Variants in TSHR observed in about 807,000 individuals in gnomAD.
TSHR encodes thyroid stimulating hormone receptor, also known as thyrotropin receptor.
In TSHR, 51 loss-of-function variants were observed where a neutral mutation model predicts 64.1. That is an observed-to-expected ratio of 0.80 (90% CI 0.64 to 1.01). The LOEUF (loss-of-function observed/expected upper bound fraction) is 1.01, where lower values mean the gene tolerates loss of function less well. Among genes scored for constraint, TSHR ranks in the 50% least tolerant of loss-of-function variants. TSHR has a pLI of 0.00. For missense variants in TSHR, 877 were observed against 942.8 expected, an observed-to-expected ratio of 0.93 and a Z score of 0.91; for synonymous variants, 361 against 361.9, an observed-to-expected ratio of 1.00 and a Z score of 0.03.
At chr14:81,108,349 C>CTCTG (rs747668953) in intron 7 of TSHR, 26 bp from the exon 8 acceptor site, 2 of 1,563,702 alleles carry the variant, frequency 1.3e-6, no homozygotes, top group Admixed American at 3.3e-5. Context: ...TTCATTCTCT[C>CTCTG]TCTCTCTTTC....
In TSHR at chr14:81,022,082, G is replaced by A. The variant is rs2139802344; in HGVS notation, c.171-40066G>A. Among the ~76,000 whole-genome samples the A allele has an allele frequency of 2.3e-5, 3 of 128,776 alleles. No homozygotes were observed. In the Middle Eastern group the frequency reaches 0.015, roughly 631 times the overall value. 84.5% of individuals were successfully genotyped at this position (128,776 alleles called of 152,430 possible). On this transcript the variant is annotated intron_variant, in intron 1 of 9. Transcript: ENST00000298171. ...TCAAAACCATCCTGGCTAACATGGTGAAACCCCGTCTCTACTAAAAATACA... is the reference window on the plus strand; with the variant it reads ...TCAAAACCATCCTGGCTAACATGGTAAAACCCCGTCTCTACTAAAAATACA...
intron 2 of TSHR, among the ~76,000 whole-genome samples, chr14:81,068,052 A>G (rs1886783503): frequency 6.6e-6 from 1 of 150,548 alleles, no homozygotes; most frequent in East Asian, 1.9e-4. Context: ...ATAGGAGTTA[A>G]TATACAGGAG....
chr14:81,112,919 G>C (rs905460715), intron 8 of TSHR, among the ~76,000 whole-genome samples: 6 of 152,206 alleles, frequency 3.9e-5, no homozygotes, highest in Admixed American at 6.5e-5. Context: ...AGTAAAAGCT[G>C]TGATCAAAAA....
chr14:80,980,989 T>TA (rs1299839910), intron 1 of TSHR, among the ~76,000 whole-genome samples: 1 of 152,226 alleles, frequency 6.6e-6, no homozygotes, highest in African/African-American at 2.4e-5. Flanking sequence ...AATTAGTTTT[T>TA]AAAAAAACTT....
chr14:80,994,539 C>A (rs920235866), intron 1 of TSHR: 26 of 152,098 alleles, frequency 1.7e-4, no homozygotes, highest in African/African-American at 5.3e-4. Context: ...AACACATAGA[C>A]CAATGGAACA....
At chr14:81,124,117 G>A (rs903840966) in intron 8 of TSHR, among the ~76,000 whole-genome samples, 5 of 152,056 alleles carry the variant, frequency 3.3e-5, no homozygotes, top group Admixed American at 3.3e-4. Context: ...TTTCATTACA[G>A]GTATCAGCAT....
rs139450846 is a variant in TSHR, at chr14:81,042,240, A to G, written c.171-19908A>G. Reference sequence around the variant, plus strand: ...TGGAAAACAGTATGAAGTTTCCTCAAAAAATTAAAACTAGAACTATTATGT... The same window carrying G: ...TGGAAAACAGTATGAAGTTTCCTCAGAAAATTAAAACTAGAACTATTATGT... On this transcript the variant is annotated intron_variant, in intron 1 of 9. Coordinates refer to ENST00000298171, the MANE Select transcript of TSHR (RefSeq NM_000369.5). Among the ~76,000 whole-genome samples the G allele has an allele frequency of 6.6e-5, 10 of 152,300 alleles. 1 individual carries two copies. The highest frequency in any genetic ancestry group is 5.8e-4 in the East Asian group (3 of 5,182).
At position 80,978,931 on chromosome 14, in the gene TSHR, TC is replaced by T. The variant is rs1302485853; in HGVS notation, c.170+23082del. The stretch of plus-strand genomic sequence containing the variant: ...CTCCCATTCATACATCTAATGAGAT[TC>T]TAATGAATTTGAATTTCAGATCTGT... On this transcript the variant is annotated intron_variant, in intron 1 of 9. Coordinates refer to ENST00000298171, the MANE Select transcript of TSHR (RefSeq NM_000369.5). Among the ~76,000 whole-genome samples the T allele has an allele frequency of 4.6e-5, 7 of 152,348 alleles. No homozygotes were observed. In the South Asian group the frequency reaches 1.0e-3, roughly 23 times the overall value.
At chr14:81,078,932 A>G (rs950445079) in intron 3 of TSHR, 3 of 152,224 alleles carry the variant, frequency 2.0e-5, no homozygotes, top group Non-Finnish European at 4.4e-5. Flanking sequence ...CTGATCCACA[A>G]AATTGTGAGC....
chr14:81,051,428 T>C (rs988579404), intron 1 of TSHR: 1 of 152,164 alleles, frequency 6.6e-6, no homozygotes, highest in Admixed American at 6.5e-5. Context: ...CAAATGTTCT[T>C]AATGGTATCT....
chr14:80,977,020 A>G (rs1887916603), intron 1 of TSHR, among the ~76,000 whole-genome samples: 1 of 152,250 alleles, frequency 6.6e-6, no homozygotes, highest in African/African-American at 2.4e-5. Context: ...TGCCTTTGGT[A>G]GGCTCTTGCA....
intron 3 of TSHR, among the ~76,000 whole-genome samples, chr14:81,080,143 G>T (rs2139943992): frequency 6.6e-6 from 1 of 152,124 alleles, no homozygotes; most frequent in Middle Eastern, 3.4e-3. Flanking sequence ...TAGTAGAGAA[G>T]GGGTTTCACC....
At chr14:81,013,835 C>T (rs375425061) in intron 1 of TSHR, 25 of 152,150 alleles carry the variant, frequency 1.6e-4, no homozygotes, top group African/African-American at 5.6e-4. Flanking sequence ...CTGGCATCAT[C>T]TATATTTACT....
chr14:81,119,505 C>T (rs377589232), intron 8 of TSHR, among the ~76,000 whole-genome samples: 11,217 of 111,196 alleles, frequency 0.1, 538 homozygotes, highest in Middle Eastern at 0.14. Context: ...GTTAGAATGG[C>T]AATCATTAAA....
At chr14:80,963,797 G>C (rs907193322) in intron 1 of TSHR, among the ~76,000 whole-genome samples, 12 of 152,292 alleles carry the variant, frequency 7.9e-5, no homozygotes, top group African/African-American at 2.6e-4. Context: ...CCTGACTCAG[G>C]GGAGAAGGGC....
Position 81,103,069 on chromosome 14 carries a change from C to T in TSHR, c.615-5306C>T. The T allele has an allele frequency of 1.0e-6, 1 of 985,344 alleles. No homozygotes were observed. The highest frequency in any genetic ancestry group is 1.2e-6 in the Non-Finnish European group (1 of 829,908). 61.0% of individuals were successfully genotyped at this position (985,344 alleles called of 1,614,324 possible). On this transcript the variant is annotated intron_variant, in intron 7 of 9. Coordinates refer to ENST00000298171, the MANE Select transcript of TSHR (RefSeq NM_000369.5). The surrounding 1 kb of genome is among the most constrained non-coding windows in gnomAD (Gnocchi z 4.1). ...ATTTAAGCACTTCAGTAAAAGGTAT[C>T]ATGTAAATCCAGTGTAAAATCAAAA...
At chr14:80,991,317 A>C (rs28712586) in intron 1 of TSHR, among the ~76,000 whole-genome samples, 3,997 of 152,286 alleles carry the variant, frequency 0.026, 170 homozygotes, top group African/African-American at 0.091. Context: ...CCTACTTAAA[A>C]AAAAGCCTTG....
chr14:81,106,450 C>T (rs1435956172), intron 7 of TSHR, among the ~76,000 whole-genome samples: 3 of 152,156 alleles, frequency 2.0e-5, no homozygotes, highest in Non-Finnish European at 2.9e-5. Context: ...ATTCATCCAA[C>T]AAATAGTTAC....
At chr14:80,957,666 C>T (rs2139676300) in intron 1 of TSHR, 1 of 152,228 alleles carries the variant, frequency 6.6e-6, no homozygotes, top group African/African-American at 2.4e-5. Context: ...TTTAAAATTC[C>T]ACCAAAAGTT....
Sources: allele counts gnomAD v4.1 joint callset (sites outside exome capture counted in the v4.1 genomes callset), GRCh38; gene constraint gnomAD v4.1.1; non-coding constraint Gnocchi (gnomAD v3.1); transcripts MANE v1.5; gene names NCBI Gene and HGNC (gene_info 2026-07-23, HGNC 2026-07-21).